The following ALG1 variants were observed in gnomAD, a reference collection of about 807,000 sequenced individuals.
ALG1 encodes the protein chitobiosyldiphosphodolichol beta-mannosyltransferase.
A neutral mutation model predicts 55.1 loss-of-function variants in ALG1; 58 were observed. The ratio of observed to expected loss-of-function variants is 1.05; its 90% CI spans 0.85 to 1.31. The LOEUF (loss-of-function observed/expected upper bound fraction) is 1.31, where lower values mean the gene tolerates loss of function less well. Among genes scored for constraint, ALG1 ranks in the 50% most tolerant of loss-of-function variants. The probability of loss-of-function intolerance (pLI) is 0.00; values close to 1 mark genes in which losing one functional copy is unlikely to be tolerated. For missense variants in ALG1, 761 were observed against 598.6 expected, an observed-to-expected ratio of 1.27 and a Z score of -2.83; for synonymous variants, 309 against 247.0, an observed-to-expected ratio of 1.25 and a Z score of -2.35.
chr16:5,082,036 G>A (rs1438577800), intron 10 of ALG1, among the ~76,000 whole-genome samples: 2 of 151,896 alleles, frequency 1.3e-5, no homozygotes, highest in African/African-American at 2.4e-5. Flanking sequence ...CCGCCTTCCC[G>A]GGTTCAAGCG....
intron 5 of ALG1, 52 bp downstream of exon 5, chr16:5,077,586 T>G (rs777862800): frequency 6.5e-7 from 1 of 1,549,984 alleles, no homozygotes. Context: ...GGCCCCTGAT[T>G]GGCTGCAGTG....
rs1203847384 is a variant in ALG1, at chr16:5,086,371, C to T, written c.*1490C>T. ...AAAAAAACCACACGCACCACACACACACCCACACACACACACAGCTTAGAA... is the reference window on the plus strand; with the variant it reads ...AAAAAAACCACACGCACCACACACATACCCACACACACACACAGCTTAGAA... On this transcript the variant is annotated 3_prime_UTR_variant, in exon 13 of 13. Coordinates refer to ENST00000262374, the MANE Select transcript of ALG1 (RefSeq NM_019109.5). 1.3e-5 allele frequency: 2 copies of T among 152,408 alleles called. No homozygotes were observed. The highest frequency in any genetic ancestry group is 2.9e-5 in the Non-Finnish European group (2 of 68,922). The allele number at this position is 152,408 out of a possible 1,614,324, so 9.4% of individuals were successfully genotyped here.
chr16:5,082,236 C>T (rs920581193), intron 10 of ALG1, among the ~76,000 whole-genome samples: 2 of 152,176 alleles, frequency 1.3e-5, no homozygotes, highest in African/African-American at 4.8e-5. Context: ...GGAGGTGAAC[C>T]TGGGAGGTGG....
At position 5,085,926 on chromosome 16, in the gene ALG1, T is replaced by C. The variant is rs1287937228; in HGVS notation, c.*1045T>C. ...ATGGGACCAGAAAGCTGGTTTTGCA[T>C]AGAAATGGCTAGCAGCAGGCACCGT... On this transcript the variant is annotated 3_prime_UTR_variant, in exon 13 of 13. Coordinates refer to ENST00000262374, the MANE Select transcript of ALG1 (RefSeq NM_019109.5). Among the ~76,000 whole-genome samples the C allele has an allele frequency of 6.6e-6, 1 of 152,168 alleles. No homozygotes were observed. Among genetic ancestry groups the C allele is most frequent in the African/African-American group, 2.4e-5 (1 of 41,430 alleles).
At chr16:5,081,211 C>T (rs991070898) in intron 10 of ALG1, among the ~76,000 whole-genome samples, 155 bp downstream of exon 10, 8 of 152,212 alleles carry the variant, frequency 5.3e-5, no homozygotes, top group African/African-American at 1.9e-4. Context: ...TGTGCCAGCC[C>T]CTCCCTGCCA....
chr16:5,081,157 G>A (rs950760752), intron 10 of ALG1, 101 bp downstream of exon 10: 71 of 1,314,232 alleles, frequency 5.4e-5, no homozygotes, highest in Non-Finnish European at 6.9e-5. Context: ...TGGGGGACGG[G>A]ACCTGGGCTC....
intron 10 of ALG1, 83 bp from the exon 11 acceptor site, chr16:5,082,476 G>C: frequency 6.9e-7 from 1 of 1,445,720 alleles, no homozygotes; most frequent in Non-Finnish European, 9.6e-7. Context: ...ACTCTCCTTG[G>C]GGGATGCTGC....
intron 12 of ALG1, chr16:5,084,488 A>T (rs1392400281): frequency 1.3e-5 from 8 of 605,328 alleles, no homozygotes; most frequent in Non-Finnish European, 2.0e-5. Flanking sequence ...CTCACAGGGG[A>T]ATGGGCAGCA....
At chr16:5,072,415 C>T (rs1956832637) in intron 1 of ALG1, 4 of 518,352 alleles carry the variant, frequency 7.7e-6, no homozygotes, top group East Asian at 4.6e-5. Flanking sequence ...CATTCCTCAT[C>T]CCTCAACGCA....
intron 6 of ALG1, chr16:5,078,434 C>T: frequency 3.3e-6 from 2 of 608,818 alleles, no homozygotes; most frequent in South Asian, 1.5e-5. Context: ...GTCTACGCAC[C>T]CTGAGGTGTG....
At chr16:5,072,306 A>G in intron 1 of ALG1, 3 of 1,410,708 alleles carry the variant, frequency 2.1e-6, no homozygotes, top group Admixed American at 5.5e-5. Context: ...TTCTCCTAGT[A>G]AGTGGAACCC....
At chr16:5,076,983 C>T (rs1382599005) in intron 4 of ALG1, among the ~76,000 whole-genome samples, 2 of 151,808 alleles carry the variant, frequency 1.3e-5, no homozygotes, top group Admixed American at 1.3e-4. Context: ...TTAGTAGAGA[C>T]AGGGTTTCAC....
intron 3 of ALG1, chr16:5,073,462 A>G (rs1040332080): frequency 3.8e-5 from 23 of 612,750 alleles, no homozygotes; most frequent in Non-Finnish European, 6.1e-5. Context: ...CATTGTACTG[A>G]CTGTGTATCA....
At chr16:5,077,748 C>T (rs1230972188) in intron 5 of ALG1, among the ~76,000 whole-genome samples, 159 bp from the exon 6 acceptor site, 4 of 152,204 alleles carry the variant, frequency 2.6e-5, no homozygotes, top group Middle Eastern at 3.2e-3. Flanking sequence ...GGTCCTAGGA[C>T]GTCTCTCTGT....
intron 10 of ALG1, 80 bp downstream of exon 10, chr16:5,081,136 C>T (rs1247141984): frequency 3.6e-6 from 5 of 1,393,750 alleles, no homozygotes; most frequent in Admixed American, 2.0e-5. Flanking sequence ...AAAGGTGGCT[C>T]TGGAGGCCAC....
At position 5,073,153 on chromosome 16, in the gene ALG1, T is replaced by C. The variant is rs534863399; in HGVS notation, c.287T>C (p.Val96Ala). ...GTCACAGGTGTTTTCTGACTTGCAG[T>C]TGGGCCCCGAGTTTTCCAGTACGGA... Reference protein sequence around the residue: ...VGLTELQSLAVGPRVFQYGVK... With the variant: ...VGLTELQSLAAGPRVFQYGVK... The change falls in exon 3 of 13, where the codon GTT becomes GCT. Residue 96 changes from valine to alanine, a missense_variant and splice_region_variant. Coordinates refer to ENST00000262374, the MANE Select transcript of ALG1 (RefSeq NM_019109.5). The C allele has an allele frequency of 1.1e-5, 17 of 1,614,070 alleles. No individual in the cohort carries two copies. Among genetic ancestry groups the C allele is most frequent in the East Asian group, 2.2e-5 (1 of 44,886 alleles).
intron 1 of ALG1, 173 bp downstream of exon 1, chr16:5,072,230 A>G: frequency 2.0e-6 from 3 of 1,514,026 alleles, no homozygotes; most frequent in Non-Finnish European, 2.6e-6. Context: ...CTCTAGGTAT[A>G]GCCGGCGTTA....
rs1177077595 is a variant in ALG1, at chr16:5,086,518, T to G, written c.*1637T>G. The G allele has an allele frequency of 6.7e-6, 1 of 149,366 alleles. No individual in the cohort carries two copies. The highest frequency in any genetic ancestry group is 6.6e-5 in the Admixed American group (1 of 15,046). 9.3% of individuals were successfully genotyped at this position (149,366 alleles called of 1,614,324 possible). A position where few individuals can be genotyped will look rare whatever the true frequency, so the allele number is the denominator to read the frequency against. The stretch of plus-strand genomic sequence containing the variant: ...GGCTGGAGTGCAGTGGCACAGTCAT[T>G]GCTCACTACAGCCTCGACTCCTGGG... On this transcript the variant is annotated 3_prime_UTR_variant, in exon 13 of 13. Coordinates refer to ENST00000262374, the MANE Select transcript of ALG1 (RefSeq NM_019109.5).
At chr16:5,080,916 C>A in intron 9 of ALG1, 30 bp from the exon 10 acceptor site, 1 of 1,594,250 alleles carries the variant, frequency 6.3e-7, no homozygotes, top group Non-Finnish European at 8.5e-7. Flanking sequence ...AGAGATGGGT[C>A]CATGGCAGTG....
Sources: allele counts gnomAD v4.1 joint callset (sites outside exome capture counted in the v4.1 genomes callset), GRCh38; gene constraint gnomAD v4.1.1; transcripts MANE v1.5; gene names NCBI Gene and HGNC (gene_info 2026-07-23, HGNC 2026-07-21).